PCED1B: variants seen among roughly 807,000 people sequenced by gnomAD.
PCED1B encodes the protein PC-esterase domain containing 1B, also known as PC-esterase domain-containing protein 1B.
For missense variants in PCED1B, 573 were observed against 573.9 expected, an observed-to-expected ratio of 1.00 and a Z score of 0.02; for synonymous variants, 251 against 246.1, an observed-to-expected ratio of 1.02 and a Z score of -0.19.
intron 2 of PCED1B, among the ~76,000 whole-genome samples, chr12:47,140,300 T>C (rs549372542): frequency 6.6e-6 from 1 of 152,192 alleles, no homozygotes; most frequent in Non-Finnish European, 1.5e-5. Context: ...AAGCACAGAT[T>C]CTAAAATAAA....
At chr12:47,100,632 AC>A (rs1484558087) in intron 1 of PCED1B, among the ~76,000 whole-genome samples, 1 of 152,244 alleles carries the variant, frequency 6.6e-6, no homozygotes, top group Non-Finnish European at 1.5e-5. Flanking sequence ...TGTCTTCCAT[AC>A]AGGAGGTAAA....
intron 1 of PCED1B, among the ~76,000 whole-genome samples, chr12:47,080,465 C>G (rs74083838): frequency 6.6e-6 from 1 of 152,210 alleles, no homozygotes; most frequent in African/African-American, 2.4e-5. Flanking sequence ...AACCCAGAAG[C>G]AGCCTGACGT....
intron 2 of PCED1B, among the ~76,000 whole-genome samples, chr12:47,178,399 G>C (rs959365039): frequency 5.9e-5 from 9 of 152,174 alleles, no homozygotes; most frequent in Admixed American, 3.3e-4. Flanking sequence ...CACATTGTTG[G>C]GGGGCAGTGC....
intron 1 of PCED1B, 191 bp downstream of exon 1, chr12:47,079,916 C>G (rs1277422644): frequency 2.6e-5 from 4 of 151,418 alleles, no homozygotes; most frequent in Non-Finnish European, 5.9e-5. Flanking sequence ...GCCGGTCCCA[C>G]CCCTGCGCGT....
intron 1 of PCED1B, among the ~76,000 whole-genome samples, chr12:47,102,025 A>G (rs1374649229): frequency 6.6e-6 from 1 of 152,200 alleles, no homozygotes; most frequent in Admixed American, 6.5e-5. Flanking sequence ...CATTTGTCCT[A>G]AACAATAGCT....
Position 47,231,751 on chromosome 12 carries a change from A to G in PCED1B, c.-57-3256A>G, listed in dbSNP as rs561026833. On this transcript the variant is annotated intron_variant, in intron 3 of 3. Transcript: ENST00000546455. ...ACTGTAGCAGAGACAGCACTAAATTATTAGATCTGCCAGCTTCCGGGACAG... is the reference window on the plus strand; with the variant it reads ...ACTGTAGCAGAGACAGCACTAAATTGTTAGATCTGCCAGCTTCCGGGACAG... Among the ~76,000 whole-genome samples, 14 of 152,348 alleles carry G rather than the reference A, an allele frequency of 9.2e-5. No individual in the cohort carries two copies. In the East Asian group the frequency reaches 1.9e-3, roughly 21 times the overall value.
rs1942025923 is a variant in PCED1B at position 47,179,350 on chromosome 12, G to A, written c.-525-36872G>A. ...AGAACATCTGGACATACTAGCTGAGGGGGAGATTTTCATAAAGCTTTTCTA... is the reference window on the plus strand; with the variant it reads ...AGAACATCTGGACATACTAGCTGAGAGGGAGATTTTCATAAAGCTTTTCTA... On this transcript the variant is annotated intron_variant, in intron 2 of 3. Coordinates refer to ENST00000546455, the MANE Select transcript of PCED1B (RefSeq NM_138371.3). Among the ~76,000 whole-genome samples the A allele has an allele frequency of 3.3e-5, 5 of 152,152 alleles. No individual in the cohort carries two copies. In the South Asian group the frequency reaches 1.0e-3, roughly 32 times the overall value.
chr12:47,204,161 C>A (rs1942849951), intron 2 of PCED1B, among the ~76,000 whole-genome samples: 1 of 152,168 alleles, frequency 6.6e-6, no homozygotes, highest in South Asian at 2.1e-4. Context: ...GTTGGTCAAG[C>A]TGGTCTCGAA....
intron 2 of PCED1B, among the ~76,000 whole-genome samples, chr12:47,134,536 C>T (rs1204289322): frequency 2.0e-5 from 3 of 152,250 alleles, no homozygotes; most frequent in East Asian, 1.9e-4. Flanking sequence ...TGCATTGACC[C>T]CTTCCATCTA....
intron 2 of PCED1B, among the ~76,000 whole-genome samples, chr12:47,178,595 G>A (rs1040497097): frequency 2.0e-5 from 3 of 151,808 alleles, no homozygotes; most frequent in South Asian, 2.1e-4. Flanking sequence ...GAGGCCAGGC[G>A]CGGTGGTTCA....
At chr12:47,081,065 C>T (rs1937691147) in intron 1 of PCED1B, among the ~76,000 whole-genome samples, 1 of 152,186 alleles carries the variant, frequency 6.6e-6, no homozygotes, top group Non-Finnish European at 1.5e-5. Flanking sequence ...ATGAGCTCTA[C>T]GATTAAAAAT....
intron 2 of PCED1B, among the ~76,000 whole-genome samples, chr12:47,106,271 A>T (rs1464663569): frequency 6.6e-6 from 1 of 152,040 alleles, no homozygotes; most frequent in Non-Finnish European, 1.5e-5. Flanking sequence ...GGTGTTTTCC[A>T]TTTTCTCTTT....
chr12:47,191,261 C>G (rs1302477552), intron 2 of PCED1B, among the ~76,000 whole-genome samples: 1 of 152,192 alleles, frequency 6.6e-6, no homozygotes, highest in Non-Finnish European at 1.5e-5. Context: ...CAAAGGGACA[C>G]CACTGACCCT....
At chr12:47,215,331 G>A (rs140757166) in intron 2 of PCED1B, among the ~76,000 whole-genome samples, 333 of 149,798 alleles carry the variant, frequency 2.2e-3, no homozygotes, top group African/African-American at 7.2e-3. Context: ...TTGGCTCACT[G>A]CAACCTCCGC....
chr12:47,118,205 T>C (rs937540497), intron 2 of PCED1B, among the ~76,000 whole-genome samples: 3 of 152,212 alleles, frequency 2.0e-5, no homozygotes, highest in African/African-American at 7.2e-5. Flanking sequence ...TTAGATCCCA[T>C]TTGTCAATTT....
intron 2 of PCED1B, among the ~76,000 whole-genome samples, chr12:47,202,672 A>T (rs1942802933): frequency 6.6e-6 from 1 of 151,400 alleles, no homozygotes; most frequent in Admixed American, 6.6e-5. Flanking sequence ...TTACCTATGC[A>T]GTAACTTTTT....
intron 1 of PCED1B, among the ~76,000 whole-genome samples, chr12:47,087,327 G>C (rs1938036814): frequency 6.6e-6 from 1 of 152,154 alleles, no homozygotes; most frequent in South Asian, 2.1e-4. Flanking sequence ...TTTCTAATGA[G>C]GGCCATGGGG....
intron 3 of PCED1B, 85 bp from the exon 4 acceptor site, chr12:47,234,922 C>T: frequency 4.6e-6 from 3 of 657,376 alleles, no homozygotes; most frequent in South Asian, 7.2e-5. Context: ...CCATCCCCTT[C>T]CCCATGGTCT....
chr12:47,104,932 A>C (rs1397585964), intron 2 of PCED1B, among the ~76,000 whole-genome samples: 1 of 152,094 alleles, frequency 6.6e-6, no homozygotes, highest in Non-Finnish European at 1.5e-5. Context: ...CCAGCCCTGT[A>C]CCATGGAGAC....
Sources: allele counts gnomAD v4.1 joint callset (sites outside exome capture counted in the v4.1 genomes callset), GRCh38; gene constraint gnomAD v4.1.1; transcripts MANE v1.5; gene names NCBI Gene and HGNC (gene_info 2026-07-23, HGNC 2026-07-21).